ATG16L1: variants seen among roughly 807,000 people sequenced by gnomAD.
ATG16L1 encodes autophagy-related protein 16-1.
ATG16L1 carries 37 observed loss-of-function variants against 88.5 expected under a neutral mutation model. That is an observed-to-expected ratio of 0.42 (90% CI 0.32 to 0.55). ATG16L1 has a LOEUF of 0.55. Among genes scored for constraint, ATG16L1 ranks in the 20% least tolerant of loss-of-function variants. The pLI, the probability that ATG16L1 is intolerant of heterozygous loss-of-function variation, is 0.13. For missense variants in ATG16L1, 554 were observed against 752.8 expected (o/e 0.74, Z 3.09); for synonymous variants, 301 against 281.0 (o/e 1.07, Z -0.71).
At chr2:233,291,986 T>C in intron 14 of ATG16L1, 142 bp from the exon 15 acceptor site, 1 of 923,398 alleles carries the variant, frequency 1.1e-6, no homozygotes, top group East Asian at 2.5e-5. Context: ...AGTCACAGGT[T>C]ATTAGAAGAC....
At chr2:233,277,721 C>A in intron 10 of ATG16L1, 48 bp downstream of exon 10, 1 of 1,509,176 alleles carries the variant, frequency 6.6e-7, no homozygotes, top group Non-Finnish European at 9.2e-7. Context: ...AGATGATGCA[C>A]CCTTGCACTG....
At chr2:233,263,894 A>G in intron 3 of ATG16L1, 98 bp from the exon 4 acceptor site, 1 of 1,224,150 alleles carries the variant, frequency 8.2e-7, no homozygotes, top group Non-Finnish European at 1.2e-6. Flanking sequence ...CACCCAGCTC[A>G]TTTATTCTTT....
At chr2:233,288,227 A>T (rs1234709340) in intron 12 of ATG16L1, among the ~76,000 whole-genome samples, 1 of 152,134 alleles carries the variant, frequency 6.6e-6, no homozygotes, top group East Asian at 1.9e-4. Flanking sequence ...GCTAAAGTGG[A>T]GTTAACCCCA....
chr2:233,277,334 T>A, intron 9 of ATG16L1: 1 of 421,922 alleles, frequency 2.4e-6, no homozygotes. Context: ...CTACACAGAT[T>A]TTGAGTACTT....
intron 12 of ATG16L1, 78 bp downstream of exon 12, chr2:233,282,831 A>C: frequency 1.5e-6 from 2 of 1,310,860 alleles, no homozygotes; most frequent in Non-Finnish European, 2.2e-6. Context: ...GCAGGTGCTT[A>C]ATTAGGGGAC....
chr2:233,255,645 C>T (rs1696727334), intron 1 of ATG16L1, among the ~76,000 whole-genome samples: 1 of 152,198 alleles, frequency 6.6e-6, no homozygotes, highest in Admixed American at 6.5e-5. Context: ...TCTTTTAAGA[C>T]TTAACTCATA....
intron 10 of ATG16L1, among the ~76,000 whole-genome samples, chr2:233,279,174 T>G (rs899408328): frequency 1.7e-4 from 26 of 152,296 alleles, no homozygotes; most frequent in African/African-American, 6.3e-4. Context: ...CAAGACCCTG[T>G]GTCTTTTAAA....
rs890204720 is a variant in ATG16L1 at position 233,273,901 on chromosome 2, T to C, written c.851+124T>C. The C allele has an allele frequency of 5.3e-6, 8 of 1,511,268 alleles. No individual in the cohort carries two copies. The African/African-American group carries it at 1.1e-4, about 21-fold the overall frequency. 93.6% of individuals were successfully genotyped at this position (1,511,268 alleles called of 1,614,324 possible). On this transcript the variant is annotated intron_variant, in intron 8 of 17. Transcript: ENST00000392017. ...GATGCAGAGTATACATATGCCTTAA[T>C]ATCAGCTTTTCATTTAGCTTCTTCC...
intron 10 of ATG16L1, among the ~76,000 whole-genome samples, chr2:233,279,717 C>CA (rs1297613744): frequency 6.6e-6 from 1 of 152,138 alleles, no homozygotes; most frequent in African/African-American, 2.4e-5. Context: ...GCAGAAGTTC[C>CA]ACTGGGAATT....
chr2:233,287,030 T>A (rs1311064701), intron 12 of ATG16L1, among the ~76,000 whole-genome samples: 1 of 152,016 alleles, frequency 6.6e-6, no homozygotes, highest in Non-Finnish European at 1.5e-5. Context: ...TTCCTGGAAA[T>A]AAGTCAAGAG....
At chr2:233,261,065 C>T (rs971426958) in intron 2 of ATG16L1, among the ~76,000 whole-genome samples, 4 of 152,228 alleles carry the variant, frequency 2.6e-5, no homozygotes, top group African/African-American at 4.8e-5. Context: ...ATGCCATTCT[C>T]CTGCCTCAGC....
Position 233,294,437 on chromosome 2 carries a change from C to A in ATG16L1, c.*87C>A. 1 of 1,069,460 alleles carries A rather than the reference C, an allele frequency of 9.4e-7. No individual in the cohort carries two copies. Among genetic ancestry groups the A allele is most frequent in the Non-Finnish European group, 1.4e-6 (1 of 719,178 alleles). The allele number at this position is 1,069,460 out of a possible 1,614,324, so 66.2% of individuals were successfully genotyped here. A position where few individuals can be genotyped will look rare whatever the true frequency, so the allele number is the denominator to read the frequency against. ...CAGCCCTGTCCTGGCAGGTGATGTG[C>A]TGGGTATAGCATGGACCTCCCAGAG... On this transcript the variant is annotated 3_prime_UTR_variant, in exon 18 of 18. Coordinates refer to ENST00000392017, the MANE Select transcript of ATG16L1 (RefSeq NM_030803.7).
intron 12 of ATG16L1, among the ~76,000 whole-genome samples, chr2:233,287,453 C>T (rs1346832752): frequency 6.6e-6 from 1 of 152,208 alleles, no homozygotes; most frequent in African/African-American, 2.4e-5. Context: ...CTGTACTTGC[C>T]ATATCCCACT....
chr2:233,294,677 C>T lies in ATG16L1; in HGVS notation c.*327C>T, dbSNP rs185921893. The T allele has an allele frequency of 9.6e-5, 19 of 198,690 alleles. No individual in the cohort carries two copies. The highest frequency in any genetic ancestry group is 3.0e-4 in the African/African-American group (13 of 43,178). 12.3% of individuals were successfully genotyped at this position (198,690 alleles called of 1,614,324 possible). A position where few individuals can be genotyped will look rare whatever the true frequency, so the allele number is the denominator to read the frequency against. On this transcript the variant is annotated 3_prime_UTR_variant, in exon 18 of 18. Coordinates refer to ENST00000392017, the MANE Select transcript of ATG16L1 (RefSeq NM_030803.7). ...GGGCCCCGCTGGGCCTCCTCACCAA[C>T]GGCAGTGCCAAAATCAGCCCCCACA...
intron 5 of ATG16L1, 62 bp downstream of exon 5, chr2:233,265,205 AAAAG>A: frequency 1.3e-6 from 2 of 1,572,538 alleles, no homozygotes. Flanking sequence ...TAGGTCTTTG[AAAAG>A]AAAGAGATAA....
intron 12 of ATG16L1, among the ~76,000 whole-genome samples, chr2:233,284,158 C>CT (rs55671277): frequency 2.1e-5 from 3 of 144,398 alleles, no homozygotes; most frequent in Admixed American, 6.9e-5. Context: ...TTTCTTTTTT[C>CT]TTTTTTTTTT....
intron 16 of ATG16L1, 102 bp downstream of exon 16, chr2:233,292,536 A>C (rs1699530942): frequency 2.1e-6 from 3 of 1,422,518 alleles, no homozygotes; most frequent in Non-Finnish European, 2.9e-6. Context: ...TCAGTGCCCA[A>C]CCTATGTTTC....
chr2:233,273,010 C>G lies in ATG16L1; in HGVS notation c.752C>G (p.Thr251Arg). 6.2e-7 allele frequency: 1 copy of G among 1,614,098 alleles called. No homozygotes were observed. Residue 251 changes from threonine to arginine, a missense_variant, in exon 7 of 18, where the codon ACA becomes AGA. Physicochemically the swap from Thr to Arg is moderately conservative, Grantham distance 71 (BLOSUM62 -1). Transcript: ENST00000392017. ...EVIVDETSDH[T>R]EETSPVRAIS... ...ATTGTGGATGAAACTTCTGATCACA[C>G]AGAAGAGACCTCTCCTGTGCGAGCC...
chr2:233,277,508 C>T (rs376459281), intron 9 of ATG16L1, 60 bp from the exon 10 acceptor site: 39 of 1,488,416 alleles, frequency 2.6e-5, no homozygotes, highest in South Asian at 6.8e-5. Flanking sequence ...GGAGTGTTCG[C>T]GCATCTTGAG....
Sources: allele counts gnomAD v4.1 joint callset (sites outside exome capture counted in the v4.1 genomes callset), GRCh38; gene constraint gnomAD v4.1.1; transcripts MANE v1.5; gene names NCBI Gene and HGNC (gene_info 2026-07-23, HGNC 2026-07-21).